JAKMIP3: variants seen among roughly 807,000 people sequenced by gnomAD.
JAKMIP3 encodes the protein janus kinase and microtubule-interacting protein 3.
Under a neutral mutation model 118.5 loss-of-function variants are expected in JAKMIP3, and 58 were observed. The observed-to-expected ratio is 0.49, with a 90% CI of 0.40 to 0.61. JAKMIP3 has a LOEUF of 0.61. Ranked by LOEUF, JAKMIP3 falls within the 20% of genes least tolerant of loss-of-function variation. The pLI is 0.00. For missense variants in JAKMIP3, 950 were observed against 1,109.0 expected, an observed-to-expected ratio of 0.86 and a Z score of 2.04; for synonymous variants, 486 against 451.2, an observed-to-expected ratio of 1.08 and a Z score of -0.98.
intron 19 of JAKMIP3, among the ~76,000 whole-genome samples, chr10:132,156,773 G>A (rs2057140296): frequency 6.6e-6 from 1 of 152,196 alleles, no homozygotes; most frequent in Admixed American, 6.6e-5. Flanking sequence ...TGATGCATAG[G>A]TGAAGAGGAA....
At chr10:132,130,228 G>A (rs1175512149) in intron 3 of JAKMIP3, among the ~76,000 whole-genome samples, 1 of 152,174 alleles carries the variant, frequency 6.6e-6, no homozygotes, top group African/African-American at 2.4e-5. Flanking sequence ...ACCAGGCTCT[G>A]TATCTCATCT....
At chr10:132,079,437 G>C (rs2041425961) in intron 1 of JAKMIP3, among the ~76,000 whole-genome samples, 1 of 152,138 alleles carries the variant, frequency 6.6e-6, no homozygotes, top group South Asian at 2.1e-4. Flanking sequence ...TTGTTGTTTT[G>C]AGGATTGAAA....
intron 9 of JAKMIP3, among the ~76,000 whole-genome samples, chr10:132,138,799 C>A (rs996984917): frequency 4.6e-5 from 7 of 152,192 alleles, no homozygotes; most frequent in Non-Finnish European, 5.9e-5. Flanking sequence ...AGGCTGCTCA[C>A]ACTCACCCAT....
intron 2 of JAKMIP3, among the ~76,000 whole-genome samples, chr10:132,114,397 A>AT (rs1001717265): frequency 5.3e-5 from 8 of 151,990 alleles, no homozygotes; most frequent in Admixed American, 2.0e-4. Flanking sequence ...TAATTAATTT[A>AT]TTTTTTTTGT....
chr10:132,085,470 T>C (rs183179924), intron 1 of JAKMIP3, among the ~76,000 whole-genome samples: 4 of 152,072 alleles, frequency 2.6e-5, no homozygotes, highest in African/African-American at 2.4e-5. Flanking sequence ...TTTTCTTGGT[T>C]AATCTTACTA....
chr10:132,122,260 G>A lies in JAKMIP3; in HGVS notation c.633+4686G>A, dbSNP rs573385712. 8.6e-5 allele frequency among the ~76,000 whole-genome samples: 13 copies of A among 151,524 alleles called. 1 individual carries two copies. The South Asian group carries it at 1.7e-3, about 20-fold the overall frequency. On this transcript the variant is annotated intron_variant, in intron 3 of 23. Coordinates refer to ENST00000684848, the MANE Select transcript of JAKMIP3 (RefSeq NM_001323087.2). Reference sequence around the variant, plus strand: ...GCTGTTGGGGCCCTGACTGCCCCCCGGTCGGCTCCCCGGCTGTTGGGGCCC... The same window carrying A: ...GCTGTTGGGGCCCTGACTGCCCCCCAGTCGGCTCCCCGGCTGTTGGGGCCC...
At chr10:132,171,395 C>T (rs1000179508) in intron 23 of JAKMIP3, among the ~76,000 whole-genome samples, 27 of 152,218 alleles carry the variant, frequency 1.8e-4, no homozygotes, top group Non-Finnish European at 2.9e-5. Flanking sequence ...ACCCACAGCC[C>T]GGCAGGTGCA....
chr10:132,149,554 T>TCTCCG, intron 15 of JAKMIP3, 44 bp downstream of exon 15: 2 of 530,842 alleles, frequency 3.8e-6, no homozygotes, highest in East Asian at 6.7e-5. Flanking sequence ...ACCTCACCCA[T>TCTCCG]CCCCCGCCCC....
rs529736453 is a variant in JAKMIP3, at chr10:132,156,507, G to A, written c.2220+2517G>A. 1.4e-3 allele frequency among the ~76,000 whole-genome samples: 207 copies of A among 152,270 alleles called. 5 individuals carry two copies. The South Asian group carries it at 0.039, about 29-fold the overall frequency. Reference sequence around the variant, plus strand: ...AGACAGAGGACCCCACCCAGCCTTCGCTGCTGCTGTTCCATCTGCCTGGGG... The same window carrying A: ...AGACAGAGGACCCCACCCAGCCTTCACTGCTGCTGTTCCATCTGCCTGGGG... On this transcript the variant is annotated intron_variant, in intron 19 of 23. Transcript: ENST00000684848.
At chr10:132,071,441 G>T (rs1047073159) in intron 1 of JAKMIP3, among the ~76,000 whole-genome samples, 1 of 152,198 alleles carries the variant, frequency 6.6e-6, no homozygotes. Context: ...TAATGGTGGT[G>T]TTGAAATCTT....
Position 132,044,746 on chromosome 10 carries a change from C to T in JAKMIP3, c.-138+8008C>T, listed in dbSNP as rs998075815. On this transcript the variant is annotated intron_variant, in intron 1 of 23. Transcript: ENST00000657785. This position sits in a 1 kb window ranked among gnomAD's most constrained non-coding sequence, Gnocchi z 5.3. ...GTGCGGCTCAGAGTAGGGACAATCG[C>T]AGTGCTGTGCAAACCACCTCCAGAA... 6.6e-6 allele frequency among the ~76,000 whole-genome samples: 1 copy of T among 152,126 alleles called. No homozygotes were observed. The highest frequency in any genetic ancestry group is 1.5e-5 in the Non-Finnish European group (1 of 68,028).
rs189522640 is a variant in JAKMIP3, at chr10:132,105,772, A to G, written c.135+829A>G. 1.2e-3 allele frequency among the ~76,000 whole-genome samples: 185 copies of G among 152,002 alleles called. 2 individuals carry two copies. In the East Asian group the frequency reaches 0.029, roughly 23 times the overall value. ...CCAGGAAGGGGCTGGGAACGAAGGC[A>G]GGTGCCTGCCGTGGGCTTGGAAGGG... On this transcript the variant is annotated intron_variant, in intron 2 of 23. Coordinates refer to ENST00000684848, the MANE Select transcript of JAKMIP3 (RefSeq NM_001323087.2).
At chr10:132,181,588 C>G (rs1457953421) in intron 23 of JAKMIP3, 3 of 152,356 alleles carry the variant, frequency 2.0e-5, no homozygotes, top group Non-Finnish European at 4.4e-5. Flanking sequence ...GAACAAGGTA[C>G]TATGTTAACT....
chr10:132,057,656 T>C (rs1487851079), intron 1 of JAKMIP3, among the ~76,000 whole-genome samples: 1 of 152,164 alleles, frequency 6.6e-6, no homozygotes, highest in East Asian at 1.9e-4. Flanking sequence ...CGCTTGGCCT[T>C]CTTCTCCTTC....
Position 132,118,705 on chromosome 10 carries a change from T to C in JAKMIP3, c.633+1131T>C, listed in dbSNP as rs944203562. Among the ~76,000 whole-genome samples, 1 of 152,210 alleles carries C rather than the reference T, an allele frequency of 6.6e-6. No individual in the cohort carries two copies. The highest frequency in any genetic ancestry group is 2.4e-5 in the African/African-American group (1 of 41,442). On this transcript the variant is annotated intron_variant, in intron 3 of 23. Coordinates refer to ENST00000684848, the MANE Select transcript of JAKMIP3 (RefSeq NM_001323087.2). The surrounding 1 kb of genome is among the most constrained non-coding windows in gnomAD (Gnocchi z 4.8). ...AACGTGCCTAACCCGGGTGATTCCC[T>C]TCCTTTCCAAAGTGGTCCCTGTTCC...
chr10:132,182,537 C>T lies in JAKMIP3; in HGVS notation c.*1284C>T, dbSNP rs1008429585. 1 of 152,178 alleles carries T rather than the reference C, an allele frequency of 6.6e-6. No homozygotes were observed. Among genetic ancestry groups the T allele is most frequent in the African/African-American group, 2.4e-5 (1 of 41,428 alleles). 9.4% of individuals were successfully genotyped at this position (152,178 alleles called of 1,614,324 possible). A position where few individuals can be genotyped will look rare whatever the true frequency, so the allele number is the denominator to read the frequency against. ...GGTTCTGCTCTCAGAGCTGAATTGA[C>T]AGGAGGTGTGTGTGTGTGCTCACTT... On this transcript the variant is annotated 3_prime_UTR_variant, in exon 24 of 24. Coordinates refer to ENST00000684848, the MANE Select transcript of JAKMIP3 (RefSeq NM_001323087.2).
chr10:132,088,302 G>A (rs2042659235), intron 1 of JAKMIP3, among the ~76,000 whole-genome samples: 1 of 152,146 alleles, frequency 6.6e-6, no homozygotes, highest in South Asian at 2.1e-4. Context: ...CACAGTGGTT[G>A]AACTACTTTA....
In JAKMIP3 at chr10:132,139,199, AGT is replaced by A. The variant is rs529551730; in HGVS notation, c.1344+1032_1344+1033del. On this transcript the variant is annotated intron_variant, in intron 9 of 23. Transcript: ENST00000684848. Reference sequence around the variant, plus strand: ...ATGTGTCTGTGTATGTGTGTGTATGAGTGTGTGTGTGTATGTGTGTACATGTG... The same window carrying A: ...ATGTGTCTGTGTATGTGTGTGTATGAGTGTGTGTGTATGTGTGTACATGTG... Among the ~76,000 whole-genome samples the A allele has an allele frequency of 6.5e-3, 360 of 55,322 alleles. 30 individuals are homozygous for A. The highest frequency in any genetic ancestry group is 0.019 in the South Asian group (42 of 2,236). The allele number at this position is 55,322 out of a possible 152,430, so 36.3% of individuals were successfully genotyped here.
chr10:132,101,596 T>C (rs139560471), intron 1 of JAKMIP3, among the ~76,000 whole-genome samples: 1 of 152,204 alleles, frequency 6.6e-6, no homozygotes, highest in African/African-American at 2.4e-5. Flanking sequence ...CTCAATGCCC[T>C]ATGACAGCCA....
Sources: allele counts gnomAD v4.1 joint callset (sites outside exome capture counted in the v4.1 genomes callset), GRCh38; gene constraint gnomAD v4.1.1; non-coding constraint Gnocchi (gnomAD v3.1); transcripts MANE v1.5; gene names NCBI Gene and HGNC (gene_info 2026-07-23, HGNC 2026-07-21).